Variants in ADGRB3 observed in about 807,000 individuals in gnomAD.
ADGRB3 encodes the protein brain-specific angiogenesis inhibitor 3.
In ADGRB3, 37 loss-of-function variants were observed where a neutral mutation model predicts 193.4. The ratio of observed to expected loss-of-function variants is 0.19; its 90% CI spans 0.15 to 0.25. The LOEUF (loss-of-function observed/expected upper bound fraction) is 0.25. Ranked by LOEUF, ADGRB3 falls within the 10% of genes least tolerant of loss-of-function variation. The pLI is 1.00. For missense variants in ADGRB3, 1,637 were observed against 1,852.9 expected (o/e 0.88, Z 2.14); for synonymous variants, 690 against 644.2 (o/e 1.07, Z -1.08).
At chr6:69,111,376 C>A (rs1157192929) in intron 17 of ADGRB3, among the ~76,000 whole-genome samples, 1 of 152,178 alleles carries the variant, frequency 6.6e-6, no homozygotes, top group Non-Finnish European at 1.5e-5. Context: ...TCTGATCTAT[C>A]CACACTTCTT....
chr6:68,712,585 G>A (rs1339893518), intron 3 of ADGRB3, among the ~76,000 whole-genome samples: 2 of 151,886 alleles, frequency 1.3e-5, no homozygotes, highest in African/African-American at 4.8e-5. Context: ...AGAAAAAAAT[G>A]TAGAAATATA....
At chr6:69,234,318 T>A (rs1204226204) in intron 18 of ADGRB3, among the ~76,000 whole-genome samples, 1 of 152,310 alleles carries the variant, frequency 6.6e-6, no homozygotes, top group East Asian at 1.9e-4. Flanking sequence ...ATGCATGTAA[T>A]CTTTACATAT....
intron 3 of ADGRB3, among the ~76,000 whole-genome samples, chr6:68,722,107 C>A (rs907560546): frequency 6.6e-6 from 1 of 151,550 alleles, no homozygotes; most frequent in Non-Finnish European, 1.5e-5. Context: ...AAAAATTTAG[C>A]ACTTTTGAAA....
At chr6:68,894,883 G>C (rs1766176263) in intron 3 of ADGRB3, among the ~76,000 whole-genome samples, 1 of 151,776 alleles carries the variant, frequency 6.6e-6, no homozygotes, top group South Asian at 2.1e-4. Flanking sequence ...TTAAAATTCA[G>C]TGTTCAGTGT....
At chr6:68,796,417 A>G (rs1767209041) in intron 3 of ADGRB3, among the ~76,000 whole-genome samples, 1 of 152,190 alleles carries the variant, frequency 6.6e-6, no homozygotes, top group Admixed American at 6.6e-5. Flanking sequence ...TTCTGGGGTT[A>G]CAAGTATCCT....
At chr6:69,065,659 A>C (rs922809586) in intron 16 of ADGRB3, among the ~76,000 whole-genome samples, 1 of 152,048 alleles carries the variant, frequency 6.6e-6, no homozygotes, top group African/African-American at 2.4e-5. Context: ...AAGACAAAAA[A>C]GATCTATTTT....
chr6:69,063,657 A>G (rs1341866022), intron 16 of ADGRB3, among the ~76,000 whole-genome samples: 2 of 152,142 alleles, frequency 1.3e-5, no homozygotes, highest in African/African-American at 2.4e-5. Flanking sequence ...AAGGCTTATT[A>G]TAACTACCTA....
chr6:69,048,211 G>C lies in ADGRB3; in HGVS notation c.2134G>C (p.Ala712Pro). 1 of 1,612,656 alleles carries C rather than the reference G, an allele frequency of 6.2e-7. No homozygotes were observed. Among genetic ancestry groups the C allele is most frequent in the Non-Finnish European group, 8.5e-7 (1 of 1,179,496 alleles). ...GGCTAGTATTCAGAAGCTTCCTGCAGCCTCTGTTCTAACAGACATCAACTT... is the reference window on the plus strand; with the variant it reads ...GGCTAGTATTCAGAAGCTTCCTGCACCCTCTGTTCTAACAGACATCAACTT... ...VVASIQKLPA[A>P]SVLTDINFPM... Residue 712 changes from alanine to proline, a missense_variant, in exon 14 of 32, where the codon GCC (alanine) becomes CCC (proline). Ala to Pro is a conservative substitution (Grantham distance 27). Coordinates refer to ENST00000370598, the MANE Select transcript of ADGRB3 (RefSeq NM_001704.3).
intron 8 of ADGRB3, among the ~76,000 whole-genome samples, chr6:68,964,137 A>G (rs1768311916): frequency 6.6e-6 from 1 of 152,186 alleles, no homozygotes; most frequent in Admixed American, 6.6e-5. Context: ...CATTTCTATC[A>G]CATATATGAT....
chr6:68,843,059 A>AC lies in ADGRB3; in HGVS notation c.758-87500_758-87499insC, dbSNP rs1554203968. Among the ~76,000 whole-genome samples, 495 of 151,374 alleles carry AC rather than the reference A, an allele frequency of 3.3e-3. 5 individuals are homozygous for AC. Among genetic ancestry groups the AC allele is most frequent in the African/African-American group, 9.3e-3 (385 of 41,402 alleles). On this transcript the variant is annotated intron_variant, in intron 3 of 31. Transcript: ENST00000370598. Reference sequence around the variant, plus strand: ...AAAGCCATATACAACAACAAAAAAAAAAACAGGAAATGTCGTACTGAATGG... The same window carrying AC: ...AAAGCCATATACAACAACAAAAAAAACAAACAGGAAATGTCGTACTGAATGG...
intron 3 of ADGRB3, among the ~76,000 whole-genome samples, chr6:68,885,344 T>C (rs993540119): frequency 6.6e-6 from 1 of 152,180 alleles, no homozygotes; most frequent in Non-Finnish European, 1.5e-5. Context: ...TTTTTTTAAT[T>C]AAAAATTTTA....
At chr6:68,993,200 T>A (rs199956938) in intron 10 of ADGRB3, among the ~76,000 whole-genome samples, 74 of 141,702 alleles carry the variant, frequency 5.2e-4, no homozygotes, top group East Asian at 2.0e-3. Context: ...TGTTTTTTTT[T>A]AAAAAAAAAG....
intron 17 of ADGRB3, among the ~76,000 whole-genome samples, chr6:69,082,565 T>C (rs918519979): frequency 6.6e-6 from 1 of 152,146 alleles, no homozygotes; most frequent in Non-Finnish European, 1.5e-5. Context: ...TAATTATCCA[T>C]AGAGTTTTAA....
chr6:69,386,758 C>T (rs1339083382), intron 31 of ADGRB3, among the ~76,000 whole-genome samples: 2 of 152,062 alleles, frequency 1.3e-5, no homozygotes, highest in Non-Finnish European at 2.9e-5. Flanking sequence ...CATATGTGTT[C>T]GTGGCCAAGC....
intron 3 of ADGRB3, among the ~76,000 whole-genome samples, chr6:68,655,375 T>C (rs1768468358): frequency 6.6e-6 from 1 of 151,564 alleles, no homozygotes; most frequent in Non-Finnish European, 1.5e-5. Flanking sequence ...CTGAATGAGG[T>C]AATGCATGTA....
At chr6:68,768,128 T>G (rs1766547140) in intron 3 of ADGRB3, among the ~76,000 whole-genome samples, 1 of 152,144 alleles carries the variant, frequency 6.6e-6, no homozygotes, top group Admixed American at 6.5e-5. Context: ...AAGTAATTTA[T>G]AGATTCAATG....
intron 17 of ADGRB3, among the ~76,000 whole-genome samples, chr6:69,231,328 G>T (rs912311434): frequency 6.6e-6 from 1 of 152,128 alleles, no homozygotes; most frequent in Non-Finnish European, 1.5e-5. Context: ...TTTACATAAA[G>T]ATTTTTCTTG....
At chr6:68,771,884 G>C (rs1177547037) in intron 3 of ADGRB3, among the ~76,000 whole-genome samples, 1 of 151,998 alleles carries the variant, frequency 6.6e-6, no homozygotes, top group Non-Finnish European at 1.5e-5. Context: ...TGGTTTTCCA[G>C]GTTCAATTGC....
chr6:69,027,637 G>A (rs1391181980), intron 13 of ADGRB3, among the ~76,000 whole-genome samples: 3 of 152,164 alleles, frequency 2.0e-5, no homozygotes, highest in African/African-American at 7.2e-5. Context: ...TGACTATGAG[G>A]TGGAGATATT....
Sources: allele counts gnomAD v4.1 joint callset (sites outside exome capture counted in the v4.1 genomes callset), GRCh38; gene constraint gnomAD v4.1.1; transcripts MANE v1.5; gene names NCBI Gene and HGNC (gene_info 2026-07-23, HGNC 2026-07-21).